CECR2: variants seen among roughly 807,000 people sequenced by gnomAD.
CECR2 encodes chromatin remodeling regulator CECR2.
CECR2 carries 30 observed loss-of-function variants against 154.5 expected under a neutral mutation model. The ratio of observed to expected loss-of-function variants is 0.19; its 90% confidence interval spans 0.15 to 0.26. The LOEUF is 0.26. Ranked by LOEUF, CECR2 falls within the 10% of genes least tolerant of loss-of-function variation. The pLI is 1.00. For synonymous variants in CECR2, 725 were observed against 683.7 expected, an observed-to-expected ratio of 1.06 and a Z score of -0.94; for missense variants, 1,743 against 1,829.3, an observed-to-expected ratio of 0.95 and a Z score of 0.86.
At chr22:17,477,220 C>T (rs972574032) in intron 1 of CECR2, 7 of 698,568 alleles carry the variant, frequency 1.0e-5, no homozygotes, top group Admixed American at 4.2e-5. Context: ...CTCTCTTTTG[C>T]GATTAAAATA....
chr22:17,545,639 T>G (rs545610206), intron 16 of CECR2, among the ~76,000 whole-genome samples: 2 of 151,670 alleles, frequency 1.3e-5, no homozygotes, highest in Admixed American at 1.3e-4. Context: ...GGTTAGGAGT[T>G]CAAAACTAGC....
At chr22:17,512,686 T>C (rs1183774671) in intron 8 of CECR2, among the ~76,000 whole-genome samples, 1 of 145,328 alleles carries the variant, frequency 6.9e-6, no homozygotes, top group Non-Finnish European at 1.5e-5. Flanking sequence ...CTGGGCAACT[T>C]CAGAGTTTCA....
At chr22:17,472,871 T>C (rs1279218096) in intron 1 of CECR2, among the ~76,000 whole-genome samples, 2 of 152,146 alleles carry the variant, frequency 1.3e-5, no homozygotes, top group African/African-American at 2.4e-5. Context: ...AGTCTGGAAA[T>C]TATCTTCGTG....
intron 1 of CECR2, among the ~76,000 whole-genome samples, chr22:17,416,698 C>T (rs991498736): frequency 1.3e-5 from 2 of 152,140 alleles, no homozygotes; most frequent in Non-Finnish European, 2.9e-5. Flanking sequence ...GACACGGTTT[C>T]ATGATGTTGG....
At position 17,466,007 on chromosome 22, in the gene CECR2, CTTTATTTA is replaced by C. The variant is rs146588629; in HGVS notation, c.127-11567_127-11560del. On this transcript the variant is annotated intron_variant, in intron 1 of 18. Transcript: ENST00000262608. ...ATGGTAAAGTAACTACCCCCCGCTC[CTTTATTTA>C]TTTATTTATTTATATTATTATTTTG... 5.3e-3 allele frequency among the ~76,000 whole-genome samples: 805 copies of C among 152,050 alleles called. 10 individuals carry two copies. The highest frequency in any genetic ancestry group is 0.019 in the African/African-American group (772 of 41,432).
At chr22:17,402,375 T>C (rs1485006584) in intron 1 of CECR2, among the ~76,000 whole-genome samples, 3 of 152,228 alleles carry the variant, frequency 2.0e-5, no homozygotes, top group African/African-American at 7.2e-5. Flanking sequence ...AAAGACTTCA[T>C]GTATATCAGG....
intron 2 of CECR2, among the ~76,000 whole-genome samples, chr22:17,494,473 A>T (rs569953515): frequency 3.3e-5 from 5 of 152,256 alleles, no homozygotes; most frequent in Non-Finnish European, 7.4e-5. Flanking sequence ...GACAATGGAG[A>T]GGCAGCCAGT....
intron 1 of CECR2, among the ~76,000 whole-genome samples, chr22:17,401,676 C>T (rs935396836): frequency 3.9e-5 from 6 of 152,054 alleles, no homozygotes; most frequent in Non-Finnish European, 5.9e-5. Flanking sequence ...GAGTACTATG[C>T]CAGTTGAGGG....
chr22:17,365,860 TAAA>T (rs397940356), upstream of CECR2, among the ~76,000 whole-genome samples: 1 of 133,626 alleles, frequency 7.5e-6, no homozygotes, highest in Non-Finnish European at 1.6e-5. Context: ...ACCCCCTATG[TAAA>T]AAAAAAAAAA....
At chr22:17,427,360 T>C (rs1601339078) in intron 1 of CECR2, among the ~76,000 whole-genome samples, 1 of 152,192 alleles carries the variant, frequency 6.6e-6, no homozygotes, top group South Asian at 2.1e-4. Context: ...TGATTTATAA[T>C]CCTTTGGGTA....
chr22:17,466,063 G>A (rs1430698786), intron 1 of CECR2, among the ~76,000 whole-genome samples: 1 of 151,876 alleles, frequency 6.6e-6, no homozygotes, highest in East Asian at 1.9e-4. Context: ...GCGCCATCAC[G>A]CAGGCTGGAG....
At chr22:17,482,356 A>G (rs897895266) in intron 2 of CECR2, among the ~76,000 whole-genome samples, 4 of 151,104 alleles carry the variant, frequency 2.6e-5, no homozygotes, top group Non-Finnish European at 4.4e-5. Flanking sequence ...CCCAGGAGGC[A>G]GAGCTTGCAG....
intron 1 of CECR2, among the ~76,000 whole-genome samples, chr22:17,430,032 G>T (rs2518747): frequency 6.6e-6 from 1 of 151,992 alleles, no homozygotes; most frequent in African/African-American, 2.4e-5. Flanking sequence ...GAGAGTATTC[G>T]TTTCCTATAT....
chr22:17,423,091 A>G (rs1445149108), intron 1 of CECR2, among the ~76,000 whole-genome samples: 2 of 152,032 alleles, frequency 1.3e-5, no homozygotes, highest in East Asian at 1.9e-4. Context: ...TTTTCTTGGT[A>G]GTTGGACAGG....
chr22:17,497,471 C>T lies in CECR2; in HGVS notation c.290C>T (p.Pro97Leu), dbSNP rs765025297. 12 of 1,613,942 alleles carry T rather than the reference C, an allele frequency of 7.4e-6. No individual in the cohort carries two copies. The highest frequency in any genetic ancestry group is 7.6e-6 in the Non-Finnish European group (9 of 1,179,884). Reference protein sequence around the residue: ...NYRWELEEGKPNPLREASFQD... With the variant: ...NYRWELEEGKLNPLREASFQD... ...CGCTGGGAGCTCGAAGAAGGGAAGC[C>T]CAACCCTCTGAGGGAAGCCAGTTTC... The change falls in exon 3 of 19, where the codon CCC becomes CTC. Residue 97 changes from proline (P) to leucine (L), a missense_variant. By Grantham distance (98) the Pro-to-Leu change is moderately conservative. Around this residue, in one of 4 missense-constraint regions of CECR2, gnomAD observed 98 missense variants for 169.3 expected, o/e 0.58. Coordinates refer to ENST00000262608, the MANE Select transcript of CECR2 (RefSeq NM_001290047.2).
chr22:17,394,222 T>TAA, intron 1 of CECR2, among the ~76,000 whole-genome samples: 1 of 146,638 alleles, frequency 6.8e-6, no homozygotes, highest in Non-Finnish European at 1.5e-5. Context: ...TTTTTTTTTT[T>TAA]TAAGACGGTT....
chr22:17,435,206 TC>T (rs2054485297), intron 1 of CECR2, among the ~76,000 whole-genome samples: 2 of 152,040 alleles, frequency 1.3e-5, no homozygotes, highest in Non-Finnish European at 2.9e-5. Flanking sequence ...TTTCTTTCTT[TC>T]TTTTTTTTTA....
chr22:17,485,201 A>T (rs2055399385), intron 2 of CECR2, among the ~76,000 whole-genome samples: 1 of 152,166 alleles, frequency 6.6e-6, no homozygotes, highest in African/African-American at 2.4e-5. Context: ...TCCATCAGGG[A>T]TGAGGAATTT....
intron 1 of CECR2, among the ~76,000 whole-genome samples, chr22:17,468,415 C>T (rs1166066943): frequency 6.6e-6 from 1 of 152,132 alleles, no homozygotes; most frequent in African/African-American, 2.4e-5. Flanking sequence ...TGTGGTGGCT[C>T]ACGCCTGTAA....
Sources: gnomAD v4.1 joint callset for allele counts (sites outside exome capture counted in the v4.1 genomes callset) on GRCh38, gnomAD v4.1.1 for gene constraint, gnomAD v4.1.1 regional missense constraint, MANE v1.5 for transcripts, NCBI Gene and HGNC (gene_info 2026-07-23, HGNC 2026-07-21) for gene names.